FXR1: variants seen among roughly 807,000 people sequenced by gnomAD.
FXR1 encodes the protein FMR1 autosomal homolog 1, also known as RNA-binding protein FXR1.
Under a neutral mutation model 84.0 loss-of-function variants are expected in FXR1, and 15 were observed. That is an observed-to-expected ratio of 0.18 (90% CI 0.12 to 0.27). The LOEUF (loss-of-function observed/expected upper bound fraction) is 0.27, where lower values mean the gene tolerates loss of function less well. Ranked by LOEUF, FXR1 falls within the 10% of genes least tolerant of loss-of-function variation. FXR1 has a pLI of 1.00. For missense variants in FXR1, 480 were observed against 774.4 expected (o/e 0.62, Z 4.51); for synonymous variants, 245 against 250.7 (o/e 0.98, Z 0.21).
chr3:180,976,050 A>AT (rs2108500077), intron 16 of FXR1, 72 bp from the exon 17 acceptor site: 2 of 1,143,026 alleles, frequency 1.7e-6, no homozygotes, highest in Non-Finnish European at 2.5e-6. Flanking sequence ...ATTAGTGTTT[A>AT]TGTAGCTGTT....
At chr3:180,974,844 A>AC (rs1553780008) in intron 15 of FXR1, among the ~76,000 whole-genome samples, 18 of 152,204 alleles carry the variant, frequency 1.2e-4, no homozygotes, top group East Asian at 3.9e-4. Flanking sequence ...TTTAAAAAAA[A>AC]ACACACACAC....
chr3:180,970,228 T>C lies in FXR1; in HGVS notation c.1473T>C (p.Thr491=). 1 of 1,604,602 alleles carries C rather than the reference T, an allele frequency of 6.2e-7. No individual in the cohort carries two copies. The highest frequency in any genetic ancestry group is 8.5e-7 in the Non-Finnish European group (1 of 1,171,582). ...CAGAATCAGATCAGACTGCAGACACTGATGCCAGCGAATCTCATCACAGTA... is the reference window on the plus strand; with the variant it reads ...CAGAATCAGATCAGACTGCAGACACCGATGCCAGCGAATCTCATCACAGTA... The part of the protein sequence containing the change: ...DNTESDQTAD[T]DASESHHSTN... The change falls in exon 15 of 17, where the codon ACT becomes ACC. Residue 491 remains threonine (T), a synonymous_variant. Coordinates refer to ENST00000357559, the MANE Select transcript of FXR1 (RefSeq NM_005087.4).
intron 3 of FXR1, among the ~76,000 whole-genome samples, chr3:180,945,195 C>A (rs1053657770): frequency 6.6e-6 from 1 of 152,194 alleles, no homozygotes; most frequent in East Asian, 1.9e-4. Context: ...TTAATGACAT[C>A]TCATTCTATT....
intron 1 of FXR1, among the ~76,000 whole-genome samples, chr3:180,926,515 T>TTTTC (rs1553840651): frequency 6.9e-6 from 1 of 144,020 alleles, no homozygotes; most frequent in Non-Finnish European, 1.5e-5. Flanking sequence ...TATTTTTTTT[T>TTTTC]CTGGCCTTTT....
At chr3:180,942,177 G>T (rs372285672) in intron 3 of FXR1, among the ~76,000 whole-genome samples, 2 of 151,902 alleles carry the variant, frequency 1.3e-5, no homozygotes, top group Non-Finnish European at 2.9e-5. Context: ...AGGAGATTGA[G>T]ACCATCCTGG....
intron 2 of FXR1, among the ~76,000 whole-genome samples, chr3:180,934,141 GA>G (rs945644719): frequency 2.6e-5 from 4 of 151,942 alleles, no homozygotes; most frequent in African/African-American, 9.7e-5. Context: ...TTGATGGTCA[GA>G]AAAAAACTGT....
intron 3 of FXR1, among the ~76,000 whole-genome samples, chr3:180,941,644 C>G (rs1721132188): frequency 6.6e-6 from 1 of 152,146 alleles, no homozygotes; most frequent in Admixed American, 6.5e-5. Flanking sequence ...GTTAGTCTTA[C>G]TGCTTGGGAA....
chr3:180,954,472 A>G (rs969717320), intron 9 of FXR1, among the ~76,000 whole-genome samples: 13 of 152,244 alleles, frequency 8.5e-5, no homozygotes, highest in Admixed American at 2.6e-4. Flanking sequence ...CTATGGTTAA[A>G]TGAGCATTAT....
intron 3 of FXR1, among the ~76,000 whole-genome samples, chr3:180,945,642 T>C (rs935262062): frequency 1.3e-5 from 2 of 152,178 alleles, no homozygotes; most frequent in Non-Finnish European, 2.9e-5. Flanking sequence ...TCCTGAGCTC[T>C]CAAGCAGTCG....
chr3:180,934,511 A>T (rs759428711), intron 2 of FXR1, among the ~76,000 whole-genome samples: 16 of 152,256 alleles, frequency 1.1e-4, no homozygotes, highest in Non-Finnish European at 2.2e-4. Context: ...TATTTGCTAC[A>T]GAGTTAAAAG....
At chr3:180,929,852 T>A (rs1392125140) in intron 1 of FXR1, among the ~76,000 whole-genome samples, 1 of 152,250 alleles carries the variant, frequency 6.6e-6, no homozygotes, top group African/African-American at 2.4e-5. Flanking sequence ...GACTTGGGGA[T>A]TAGATTTTAT....
chr3:180,941,381 T>C (rs942365912), intron 3 of FXR1, among the ~76,000 whole-genome samples: 1 of 151,942 alleles, frequency 6.6e-6, no homozygotes, highest in Non-Finnish European at 1.5e-5. Context: ...TTTGTAGAGA[T>C]GAGGTTTTGC....
intron 10 of FXR1, among the ~76,000 whole-genome samples, chr3:180,958,178 T>A (rs2108478006): frequency 6.6e-6 from 1 of 152,302 alleles, no homozygotes. Context: ...TATTTGATAA[T>A]CTTAACAGTT....
At chr3:180,954,872 ATTTTTTTT>A (rs11328945) in intron 9 of FXR1, among the ~76,000 whole-genome samples, 25 of 114,540 alleles carry the variant, frequency 2.2e-4, no homozygotes, top group African/African-American at 7.2e-4. Context: ...TTCTAAAAAG[ATTTTTTTT>A]TTTTTTTTTT....
intron 3 of FXR1, among the ~76,000 whole-genome samples, chr3:180,943,925 T>C (rs1009502101): frequency 2.0e-5 from 3 of 152,024 alleles, no homozygotes; most frequent in Admixed American, 2.0e-4. Context: ...GGATATTCTT[T>C]TTTTTTTTGA....
At chr3:180,931,016 G>A (rs1419015437) in intron 1 of FXR1, among the ~76,000 whole-genome samples, 1 of 72,024 alleles carries the variant, frequency 1.4e-5, no homozygotes, top group Admixed American at 1.7e-4. Flanking sequence ...GCAACAGAGC[G>A]AGACTGCCTC....
chr3:180,932,790 G>A (rs1042337326), intron 1 of FXR1, among the ~76,000 whole-genome samples: 8 of 152,168 alleles, frequency 5.3e-5, no homozygotes, highest in African/African-American at 1.9e-4. Flanking sequence ...TTTTACTGAA[G>A]GTGAACTATA....
At chr3:180,943,265 CTTTTT>C (rs71182562) in intron 3 of FXR1, among the ~76,000 whole-genome samples, 9 of 27,652 alleles carry the variant, frequency 3.3e-4, no homozygotes, top group East Asian at 3.6e-3. Flanking sequence ...CTGTGCCCGG[CTTTTT>C]TTTTTTTTTT....
At chr3:180,926,502 ATATATT>A (rs1209919761) in intron 1 of FXR1, among the ~76,000 whole-genome samples, 1 of 48,958 alleles carries the variant, frequency 2.0e-5, no homozygotes, top group Non-Finnish European at 4.0e-5. Flanking sequence ...ATATATATAT[ATATATT>A]TTTTTTTCTG....
Sources: gnomAD v4.1 joint callset for allele counts (sites outside exome capture counted in the v4.1 genomes callset) on GRCh38, gnomAD v4.1.1 for gene constraint, MANE v1.5 for transcripts, NCBI Gene and HGNC (gene_info 2026-07-23, HGNC 2026-07-21) for gene names.